ABCB1: variants seen among roughly 807,000 people sequenced by gnomAD.
The protein encoded by ABCB1 is ATP-dependent translocase ABCB1.
Under a neutral mutation model 142.0 loss-of-function variants are expected in ABCB1, and 69 were observed. The observed-to-expected ratio is 0.49, with a 90% CI of 0.40 to 0.59. The LOEUF (loss-of-function observed/expected upper bound fraction) is 0.59. Among genes scored for constraint, ABCB1 ranks in the 20% least tolerant of loss-of-function variants. ABCB1 has a pLI of 0.00. For missense variants in ABCB1, 1,326 were observed against 1,554.7 expected (o/e 0.85, Z 2.47); for synonymous variants, 532 against 539.2 (o/e 0.99, Z 0.18).
intron 17 of ABCB1, among the ~76,000 whole-genome samples, chr7:87,542,689 T>C: frequency 6.6e-6 from 1 of 151,062 alleles, no homozygotes; most frequent in Non-Finnish European, 1.5e-5. Context: ...GACACCACAG[T>C]CTACCCCCGC....
At chr7:87,509,914 G>A (rs779853248) in intron 25 of ABCB1, among the ~76,000 whole-genome samples, 1 of 152,132 alleles carries the variant, frequency 6.6e-6, no homozygotes, top group Admixed American at 6.5e-5. Context: ...GAAGAAGGAG[G>A]GAGAAGAGTA....
intron 1 of ABCB1, among the ~76,000 whole-genome samples, chr7:87,619,024 G>C (rs1483937874): frequency 6.6e-6 from 1 of 152,136 alleles, no homozygotes; most frequent in African/African-American, 2.4e-5. Flanking sequence ...TTCAGCCTTA[G>C]GAACCCCTGA....
At chr7:87,619,368 G>A (rs1049305636) in intron 1 of ABCB1, among the ~76,000 whole-genome samples, 1 of 151,682 alleles carries the variant, frequency 6.6e-6, no homozygotes, top group Non-Finnish European at 1.5e-5. Flanking sequence ...CCGAAACCCC[G>A]TCTCTACAAA....
chr7:87,609,252 G>A (rs1198194881), intron 1 of ABCB1, among the ~76,000 whole-genome samples: 1 of 152,154 alleles, frequency 6.6e-6, no homozygotes, highest in Non-Finnish European at 1.5e-5. Flanking sequence ...ACGGGATAGA[G>A]CAGAAGGAAA....
intron 1 of ABCB1, among the ~76,000 whole-genome samples, chr7:87,708,024 A>G (rs1829760751): frequency 6.6e-6 from 1 of 152,154 alleles, no homozygotes; most frequent in South Asian, 2.1e-4. Context: ...TTAGAGGAAT[A>G]GGCTTAAATA....
In ABCB1 at chr7:87,531,380, TG is replaced by T. The variant is rs1348569323; in HGVS notation, c.2598del (p.Ile867SerfsTer4). The stretch of plus-strand genomic sequence containing the variant: ...TCAACAACTCCTGCTATTGCAATGA[TG>T]GGTACAATTGCTAAGAGTAACAGTG... The part of the protein sequence containing the change: ...QLTLLLLAIV[P>X]IIAIAGVVEM... On this transcript the variant is annotated frameshift_variant, in exon 21 of 28. Transcript: ENST00000622132. LOFTEE classifies it high-confidence loss of function. 1 of 1,613,534 alleles carries T rather than the reference TG, an allele frequency of 6.2e-7. No homozygotes were observed. Among genetic ancestry groups the T allele is most frequent in the South Asian group, 1.1e-5 (1 of 91,074 alleles).
At chr7:87,625,177 A>G (rs1820365614) in intron 1 of ABCB1, among the ~76,000 whole-genome samples, 1 of 152,172 alleles carries the variant, frequency 6.6e-6, no homozygotes. Flanking sequence ...GAACGGCATG[A>G]ACCCGGGTGG....
chr7:87,651,237 T>C (rs1420457497), intron 1 of ABCB1, among the ~76,000 whole-genome samples: 5 of 152,152 alleles, frequency 3.3e-5, no homozygotes, highest in Non-Finnish European at 1.5e-5. Flanking sequence ...CTAGATGGTG[T>C]TTTAATCAAT....
At chr7:87,656,734 G>C (rs1020787101) in intron 1 of ABCB1, among the ~76,000 whole-genome samples, 12 of 152,124 alleles carry the variant, frequency 7.9e-5, no homozygotes, top group Admixed American at 3.3e-4. Flanking sequence ...CAATTGATTT[G>C]TTTTTTAACT....
chr7:87,600,281 G>T, intron 1 of ABCB1, 91 bp from the exon 2 acceptor site: 1 of 1,090,514 alleles, frequency 9.2e-7, no homozygotes, highest in Admixed American at 2.0e-5. Flanking sequence ...CGAAGCCAGA[G>T]AGCAGTAAGA....
Position 87,624,822 on chromosome 7 carries a change from GC to G in ABCB1, c.-330-23745del, listed in dbSNP as rs1336577493. 2.0e-5 allele frequency among the ~76,000 whole-genome samples: 3 copies of G among 152,126 alleles called. No homozygotes were observed. The East Asian group carries it at 5.8e-4, about 29-fold the overall frequency. ...AATGAGAAAAGCCTTATCAAATAAG[GC>G]CCCCATGTGGCAGTGTAATGACACT... On this transcript the variant is annotated intron_variant, in intron 1 of 28. Transcript: ENST00000265724.
chr7:87,692,353 A>G (rs1490886650), intron 1 of ABCB1, among the ~76,000 whole-genome samples: 3 of 152,156 alleles, frequency 2.0e-5, no homozygotes, highest in Non-Finnish European at 4.4e-5. Context: ...GCTACTCACA[A>G]GGCGAAGGCA....
intron 4 of ABCB1, among the ~76,000 whole-genome samples, chr7:87,571,871 C>G (rs527751775): frequency 1.7e-3 from 266 of 152,168 alleles, no homozygotes; most frequent in African/African-American, 6.2e-3. Context: ...AAGGACAGGC[C>G]AGCAGATAGG....
chr7:87,514,507 T>G (rs1040810765), intron 25 of ABCB1, among the ~76,000 whole-genome samples: 3 of 152,188 alleles, frequency 2.0e-5, no homozygotes, highest in Non-Finnish European at 2.9e-5. Context: ...TTCTACTTTT[T>G]TTTCCTCAGA....
intron 1 of ABCB1, among the ~76,000 whole-genome samples, chr7:87,669,625 A>G (rs548031738): frequency 3.9e-5 from 6 of 152,230 alleles, no homozygotes; most frequent in African/African-American, 1.2e-4. Flanking sequence ...TTTCCTTTCT[A>G]TATAGTGCTC....
intron 1 of ABCB1, among the ~76,000 whole-genome samples, chr7:87,689,218 A>G (rs1199554971): frequency 1.3e-5 from 2 of 152,084 alleles, no homozygotes; most frequent in Non-Finnish European, 2.9e-5. Context: ...AGTTAAAGAA[A>G]TGTTTTAGTC....
chr7:87,603,848 TG>T (rs2130020971), upstream of ABCB1, among the ~76,000 whole-genome samples: 1 of 152,370 alleles, frequency 6.6e-6, no homozygotes, highest in East Asian at 1.9e-4. Context: ...GTTACCTTTT[TG>T]GTAAAGAGTA....
intron 17 of ABCB1, among the ~76,000 whole-genome samples, chr7:87,543,708 C>A (rs1318350271): frequency 6.6e-6 from 1 of 152,140 alleles, no homozygotes; most frequent in Admixed American, 6.6e-5. Context: ...AAGAAGCATG[C>A]TAGGCTTACT....
chr7:87,504,887 T>G (rs898861618), intron 27 of ABCB1, among the ~76,000 whole-genome samples: 1 of 151,938 alleles, frequency 6.6e-6, no homozygotes, highest in African/African-American at 2.4e-5. Context: ...GAACAGGTTT[T>G]TGAAAACAAA....
Sources: allele counts gnomAD v4.1 joint callset (sites outside exome capture counted in the v4.1 genomes callset), GRCh38; gene constraint gnomAD v4.1.1; transcripts MANE v1.5; gene names NCBI Gene and HGNC (gene_info 2026-07-23, HGNC 2026-07-21).